Variants in RPL7L1 observed in about 807,000 individuals in gnomAD.
The protein encoded by RPL7L1 is ribosomal protein uL30-like.
A neutral mutation model predicts 30.3 loss-of-function variants in RPL7L1; 20 were observed. The ratio of observed to expected loss-of-function variants is 0.66; its 90% confidence interval spans 0.46 to 0.96. The LOEUF (loss-of-function observed/expected upper bound fraction) is 0.96, where lower values mean the gene tolerates loss of function less well. RPL7L1 is among the 40% of genes least tolerant of loss of function. The probability of loss-of-function intolerance (pLI) is 0.00; values close to 1 mark genes in which losing one functional copy is unlikely to be tolerated. For missense variants in RPL7L1, 271 were observed against 314.9 expected, an observed-to-expected ratio of 0.86 and a Z score of 1.05; for synonymous variants, 107 against 110.1, an observed-to-expected ratio of 0.97 and a Z score of 0.18.
Position 42,886,431 on chromosome 6 carries a change from A to T in RPL7L1, c.735A>T (p.Glu245Asp), listed in dbSNP as rs777216441. ...KEMGTPGYRG[E>D]RINQLIRQLN ...TGGGCACACCTGGCTATCGGGGTGA[A>T]CGCATCAATCAGCTCATCCGTCAGC... Residue 245 changes from glutamate (E) to aspartate (D), a missense_variant, in exon 6 of 6, where the codon GAA (glutamate) becomes GAT (aspartate). Coordinates refer to ENST00000493763, the MANE Select transcript of RPL7L1 (RefSeq NM_001366481.3). The T allele has an allele frequency of 2.5e-6, 4 of 1,581,962 alleles. No homozygotes were observed. Among genetic ancestry groups the T allele is most frequent in the Non-Finnish European group, 3.4e-6 (4 of 1,166,104 alleles).
chr6:42,884,545 A>AT, intron 3 of RPL7L1, 68 bp from the exon 4 acceptor site: 1 of 1,458,052 alleles, frequency 6.9e-7, no homozygotes, highest in Non-Finnish European at 9.5e-7. Flanking sequence ...GTGACCTCGC[A>AT]TGTTGTGCTT....
chr6:42,886,082 G>A lies in RPL7L1; in HGVS notation c.558G>A (p.Leu186=). The change falls in exon 5 of 6, where the codon CTG becomes CTA. Residue 186 remains leucine (L), a splice_region_variant and synonymous_variant. Transcript: ENST00000493763. ...LTDNTVIEEH[L]GKFGVICLED... ...ACAATACAGTGATTGAGGAGCACCT[G>A]GGTGAGTGCTACAGCTTAGGGATCA... The A allele has an allele frequency of 6.5e-7, 1 of 1,550,318 alleles. No individual in the cohort carries two copies. The highest frequency in any genetic ancestry group is 8.9e-7 in the Non-Finnish European group (1 of 1,124,968).
chr6:42,884,974 G>A lies in RPL7L1; in HGVS notation c.449+224G>A, dbSNP rs544087322. On this transcript the variant is annotated intron_variant, in intron 4 of 5. Transcript: ENST00000493763. ...CTGGTTCAGTCATAGGCTAAGGCTG[G>A]GTCAAGGAAAGCTTGGTTCTTGAAA... is the stretch of plus-strand genomic sequence containing the variant. 2.0e-5 allele frequency among the ~76,000 whole-genome samples: 3 copies of A among 152,264 alleles called. No homozygotes were observed. The South Asian group carries it at 6.2e-4, about 32-fold the overall frequency.
intron 2 of RPL7L1, chr6:42,882,592 CAA>C (rs57689508): frequency 0.013 from 1,359 of 104,710 alleles, 20 homozygotes; most frequent in African/African-American, 0.037. Flanking sequence ...AACCCTGTCT[CAA>C]AAAAAAAAAA....
At chr6:42,884,993 C>G (rs1051102717) in intron 4 of RPL7L1, among the ~76,000 whole-genome samples, 1 of 152,104 alleles carries the variant, frequency 6.6e-6, no homozygotes, top group Admixed American at 6.6e-5. Flanking sequence ...AAGCTTGGTT[C>G]TTGAAAGTCT....
chr6:42,884,534 A>G, intron 3 of RPL7L1, 79 bp from the exon 4 acceptor site: 1 of 1,303,982 alleles, frequency 7.7e-7, no homozygotes, highest in Admixed American at 1.8e-5. Context: ...TACCCAGTGT[A>G]GTGACCTCGC....
At position 42,884,756 on chromosome 6, in the gene RPL7L1, T is replaced by G. The variant is rs1181965910; in HGVS notation, c.449+6T>G. The G allele has an allele frequency of 6.2e-7, 1 of 1,610,374 alleles. No homozygotes were observed. The highest frequency in any genetic ancestry group is 2.2e-5 in the East Asian group (1 of 44,838). On this transcript the variant is annotated splice_donor_region_variant and intron_variant, in intron 4 of 5. Coordinates refer to ENST00000493763, the MANE Select transcript of RPL7L1 (RefSeq NM_001366481.3). The stretch of plus-strand genomic sequence containing the variant: ...GAACCTTATGTGACCTGGGGGTAAG[T>G]AAGGTTTTCCATGTGAATTCACATT...
Position 42,886,051 on chromosome 6 carries a change from T to C in RPL7L1, c.527T>C (p.Leu176Pro). 6.2e-7 allele frequency: 1 copy of C among 1,605,570 alleles called. No homozygotes were observed. Among genetic ancestry groups the C allele is most frequent in the Non-Finnish European group, 8.5e-7 (1 of 1,173,954 alleles). ...AAGGTCAAGAATAAGACCATCCCTC[T>C]GACAGACAATACAGTGATTGAGGAG... ...QAKVKNKTIP[L>P]TDNTVIEEHL... The change falls in exon 5 of 6, where the codon CTG (leucine) becomes CCG (proline). Residue 176 changes from leucine to proline, a missense_variant. Coordinates refer to ENST00000493763, the MANE Select transcript of RPL7L1 (RefSeq NM_001366481.3).
rs188388557 is a variant in RPL7L1 at position 42,885,690 on chromosome 6, T to A, written c.450-284T>A. ...CACCTAAGGCCAGAGTCGTAGCCCCTAAGGTAAGCTAGGACATGGTTTCTG... is the reference window on the plus strand; with the variant it reads ...CACCTAAGGCCAGAGTCGTAGCCCCAAAGGTAAGCTAGGACATGGTTTCTG... On this transcript the variant is annotated intron_variant, in intron 4 of 5. Transcript: ENST00000493763. 1,311 of 340,256 alleles carry A rather than the reference T, an allele frequency of 3.9e-3. 7 individuals are homozygous for A. The highest frequency in any genetic ancestry group is 7.8e-3 in the Middle Eastern group (8 of 1,028). The allele number at this position is 340,256 out of a possible 1,614,324, so 21.1% of individuals were successfully genotyped here.
Position 42,884,631 on chromosome 6 carries a change from A to G in RPL7L1, c.330A>G (p.Leu110=). The G allele has an allele frequency of 6.2e-7, 1 of 1,613,050 alleles. No individual in the cohort carries two copies. Among genetic ancestry groups the G allele is most frequent in the Non-Finnish European group, 8.5e-7 (1 of 1,179,808 alleles). ...VRIERIDGVS[L]LVQRTIARLR... ...ATTTCAGGATTGACGGCGTGAGTTTACTGGTGCAGAGAACCATTGCAAGAC... is the reference window on the plus strand; with the variant it reads ...ATTTCAGGATTGACGGCGTGAGTTTGCTGGTGCAGAGAACCATTGCAAGAC... Residue 110 remains leucine, a synonymous_variant, in exon 4 of 6, where the codon TTA becomes TTG. Transcript: ENST00000493763.
At position 42,886,992 on chromosome 6, in the gene RPL7L1, C is replaced by CG. The variant is rs796795164; in HGVS notation, c.*530dup. 23 of 89,116 alleles carry CG rather than the reference C, an allele frequency of 2.6e-4. No individual in the cohort carries two copies. The highest frequency in any genetic ancestry group is 1.3e-3 in the African/African-American group (19 of 14,870). 5.5% of individuals were successfully genotyped at this position (89,116 alleles called of 1,614,324 possible). ...TGGGCGACAGAGCGAGACTCCATCT[C>CG]GGAAAAAAAAAAAAAAAAACTATTG... is the stretch of plus-strand genomic sequence containing the variant. On this transcript the variant is annotated 3_prime_UTR_variant, in exon 6 of 6. Transcript: ENST00000493763.
intron 3 of RPL7L1, 179 bp downstream of exon 3, chr6:42,883,793 A>G: frequency 2.4e-6 from 1 of 417,498 alleles, no homozygotes; most frequent in Non-Finnish European, 4.2e-6. Context: ...TAGGCTTGAA[A>G]ATAAGTGCTA....
rs1766399843 is a variant in RPL7L1, at chr6:42,889,612, A to G, written c.*3148A>G. 1 of 152,604 alleles carries G rather than the reference A, an allele frequency of 6.6e-6. No homozygotes were observed. Among genetic ancestry groups the G allele is most frequent in the Non-Finnish European group, 1.5e-5 (1 of 68,040 alleles). The allele number at this position is 152,604 out of a possible 1,614,324, so 9.5% of individuals were successfully genotyped here. On this transcript the variant is annotated 3_prime_UTR_variant, in exon 6 of 6. Transcript: ENST00000493763. ...AAAGTTATGCAAAAAAGCAGTTGTGACTATGGAAGCCCAAGGCTTATATCC... is the reference window on the plus strand; with the variant it reads ...AAAGTTATGCAAAAAAGCAGTTGTGGCTATGGAAGCCCAAGGCTTATATCC...
Position 42,883,548 on chromosome 6 carries a change from A to T in RPL7L1, c.245A>T (p.Glu82Val). Residue 82 changes from glutamate (E) to valine (V), a missense_variant, in exon 3 of 6, where the codon GAA becomes GTA. Coordinates refer to ENST00000493763, the MANE Select transcript of RPL7L1 (RefSeq NM_001366481.3). ...KRDKVRLRRL[E>V]VKPHALELPD... ...GACAAGGTGCGTCTCAGACGACTAGAAGTGAAACCTCATGCCTTGGAATTG... is the reference window on the plus strand; with the variant it reads ...GACAAGGTGCGTCTCAGACGACTAGTAGTGAAACCTCATGCCTTGGAATTG... 6.2e-7 allele frequency: 1 copy of T among 1,610,094 alleles called. No homozygotes were observed. The highest frequency in any genetic ancestry group is 1.1e-5 in the South Asian group (1 of 90,402).
intron 2 of RPL7L1, chr6:42,881,784 GACTC>G (rs1766089472): frequency 6.6e-6 from 1 of 151,646 alleles, no homozygotes; most frequent in African/African-American, 2.4e-5. Context: ...TTGAGACAGA[GACTC>G]ACTCTGTCAC....
Position 42,886,794 on chromosome 6 carries a change from G to A in RPL7L1, c.*330G>A. 4.1e-6 allele frequency: 1 copy of A among 243,874 alleles called. No individual in the cohort carries two copies. The highest frequency in any genetic ancestry group is 5.0e-5 in the South Asian group (1 of 20,180). The allele number at this position is 243,874 out of a possible 1,614,324, so 15.1% of individuals were successfully genotyped here. On this transcript the variant is annotated 3_prime_UTR_variant, in exon 6 of 6. Transcript: ENST00000493763. The stretch of plus-strand genomic sequence containing the variant: ...GCAGACCATGAGGTCAGGAGATTGA[G>A]ACCATCCTGGCCAACATGGTGAAAC...
rs1300916705 is a variant in RPL7L1, at chr6:42,886,672, T to C, written c.*208T>C. The C allele has an allele frequency of 5.4e-6, 3 of 551,096 alleles. No homozygotes were observed. Among genetic ancestry groups the C allele is most frequent in the African/African-American group, 3.8e-5 (2 of 52,466 alleles). 34.1% of individuals were successfully genotyped at this position (551,096 alleles called of 1,614,324 possible). On this transcript the variant is annotated 3_prime_UTR_variant, in exon 6 of 6. Transcript: ENST00000493763. ...CATGGGGCTATGCATAGCCTAAGAG[T>C]TATAGGCTTAAAGATGTCGAGTAAC...
In RPL7L1 at chr6:42,889,098, C is replaced by T. The variant is rs1246590465; in HGVS notation, c.*2634C>T. ...TTGGCTGCAATTTTGGCTCCTTGGA[C>T]CCTCAAGCATAGCTGGTAAATCAAG... On this transcript the variant is annotated 3_prime_UTR_variant, in exon 6 of 6. Coordinates refer to ENST00000493763, the MANE Select transcript of RPL7L1 (RefSeq NM_001366481.3). The T allele has an allele frequency of 6.6e-6, 1 of 152,114 alleles. No individual in the cohort carries two copies. Among genetic ancestry groups the T allele is most frequent in the Admixed American group, 6.6e-5 (1 of 15,264 alleles). The allele number at this position is 152,114 out of a possible 1,614,324, so 9.4% of individuals were successfully genotyped here. A position where few individuals can be genotyped will look rare whatever the true frequency, so the allele number is the denominator to read the frequency against.
At chr6:42,885,786 A>G in intron 4 of RPL7L1, 188 bp from the exon 5 acceptor site, 1 of 532,114 alleles carries the variant, frequency 1.9e-6, no homozygotes, top group Non-Finnish European at 3.4e-6. Flanking sequence ...TAATTATGTA[A>G]GTGGGGTCAC....
Sources: allele counts gnomAD v4.1 joint callset (sites outside exome capture counted in the v4.1 genomes callset), GRCh38; gene constraint gnomAD v4.1.1; transcripts MANE v1.5; gene names NCBI Gene and HGNC (gene_info 2026-07-23, HGNC 2026-07-21).